Variants in ATXN10 observed in about 807,000 individuals in gnomAD.
ATXN10 encodes ataxin-10.
In ATXN10, 28 loss-of-function variants were observed where a neutral mutation model predicts 52.9. The ratio of observed to expected loss-of-function variants is 0.53; its 90% confidence interval spans 0.39 to 0.73. ATXN10 has a LOEUF of 0.73. Among genes scored for constraint, ATXN10 ranks in the 30% least tolerant of loss-of-function variants. The pLI is 0.00. For missense variants in ATXN10, 565 were observed against 577.0 expected (o/e 0.98, Z 0.21); for synonymous variants, 226 against 221.5 (o/e 1.02, Z -0.18).
Position 45,718,624 on chromosome 22 carries a change from G to C in ATXN10, c.728+131G>C. On this transcript the variant is annotated intron_variant, in intron 6 of 11. Coordinates refer to ENST00000252934, the MANE Select transcript of ATXN10 (RefSeq NM_013236.4). This position sits in a 1 kb window ranked among gnomAD's most constrained non-coding sequence, Gnocchi z 4.4. Reference sequence around the variant, plus strand: ...AAATACATGTTTCTGTGTTGGTAATGGTTTTAAATTGGTTGGTTAACATTA... The same window carrying C: ...AAATACATGTTTCTGTGTTGGTAATCGTTTTAAATTGGTTGGTTAACATTA... The C allele has an allele frequency of 3.4e-6, 3 of 881,400 alleles. No individual in the cohort carries two copies. The highest frequency in any genetic ancestry group is 1.9e-6 in the Non-Finnish European group (1 of 531,078). 54.6% of individuals were successfully genotyped at this position (881,400 alleles called of 1,614,324 possible).
At chr22:45,717,616 A>G (rs577811551) in intron 5 of ATXN10, among the ~76,000 whole-genome samples, 58 of 152,326 alleles carry the variant, frequency 3.8e-4, no homozygotes, top group Non-Finnish European at 6.9e-4. Context: ...GTGACAGTGT[A>G]TTGTAGTAGT....
intron 9 of ATXN10, among the ~76,000 whole-genome samples, chr22:45,798,475 A>G (rs1285929393): frequency 2.0e-5 from 3 of 152,122 alleles, no homozygotes; most frequent in Non-Finnish European, 2.9e-5. Flanking sequence ...CAAAATTTAC[A>G]CTCATTCACG....
intron 9 of ATXN10, among the ~76,000 whole-genome samples, chr22:45,741,658 C>G (rs1301422033): frequency 1.3e-5 from 2 of 151,798 alleles, no homozygotes; most frequent in African/African-American, 2.4e-5. Context: ...GAATTTATGA[C>G]CCATAGTATT....
Position 45,842,990 on chromosome 22 carries a change from G to T in ATXN10, c.1238-1G>T, listed in dbSNP as rs1929395664. On this transcript the variant is annotated splice_acceptor_variant, in intron 10 of 11. Coordinates refer to ENST00000252934, the MANE Select transcript of ATXN10 (RefSeq NM_013236.4). LOFTEE classifies it high-confidence loss of function. This position sits in a 1 kb window ranked among gnomAD's most constrained non-coding sequence, Gnocchi z 4.8. Reference sequence around the variant, plus strand: ...GTCACATTCCTTCACTCTGGCTCCAGTTCTGACCCAGTGGGTGATATATGC... The same window carrying T: ...GTCACATTCCTTCACTCTGGCTCCATTTCTGACCCAGTGGGTGATATATGC... 3 of 1,614,010 alleles carry T rather than the reference G, an allele frequency of 1.9e-6. No homozygotes were observed. Among genetic ancestry groups the T allele is most frequent in the Admixed American group, 1.7e-5 (1 of 60,002 alleles).
chr22:45,704,974 T>G (rs1465473433), intron 5 of ATXN10, among the ~76,000 whole-genome samples: 2 of 152,244 alleles, frequency 1.3e-5, no homozygotes, highest in African/African-American at 2.4e-5. Flanking sequence ...TTGAATGTTT[T>G]TATTATGAAA....
At chr22:45,693,449 C>G (rs1449138144) in intron 3 of ATXN10, among the ~76,000 whole-genome samples, 1 of 152,144 alleles carries the variant, frequency 6.6e-6, no homozygotes. Flanking sequence ...TAGATGGTGC[C>G]TCTTGCTTTG....
At chr22:45,811,736 T>C (rs963317054) in intron 10 of ATXN10, 9 of 471,096 alleles carry the variant, frequency 1.9e-5, no homozygotes, top group African/African-American at 8.0e-5. Context: ...TTGCTGGCCC[T>C]GAACTTCGGC....
chr22:45,780,231 G>A lies in ATXN10; in HGVS notation c.1174-26728G>A, dbSNP rs542596224. 9.2e-5 allele frequency among the ~76,000 whole-genome samples: 14 copies of A among 152,256 alleles called. No homozygotes were observed. In the South Asian group the frequency reaches 1.0e-3, roughly 11 times the overall value. On this transcript the variant is annotated intron_variant, in intron 9 of 11. Transcript: ENST00000252934. The surrounding 1 kb of genome is among the most constrained non-coding windows in gnomAD (Gnocchi z 4.0). ...CCTGAGTAGCTGGGATTACAGGCGT[G>A]TGCCACCACGCCCAGCTAATTTTTG...
intron 3 of ATXN10, among the ~76,000 whole-genome samples, chr22:45,694,600 G>A (rs1923517697): frequency 6.6e-6 from 1 of 151,986 alleles, no homozygotes; most frequent in Non-Finnish European, 1.5e-5. Flanking sequence ...TGGCCAACAT[G>A]GTGAAACCCC....
At chr22:45,798,710 T>G (rs1442516954) in intron 9 of ATXN10, among the ~76,000 whole-genome samples, 2 of 152,146 alleles carry the variant, frequency 1.3e-5, no homozygotes, top group Non-Finnish European at 2.9e-5. Context: ...GCATGCAGGT[T>G]GGAAAGAAGT....
chr22:45,719,474 A>G (rs940491945), intron 6 of ATXN10, among the ~76,000 whole-genome samples: 5 of 152,128 alleles, frequency 3.3e-5, no homozygotes, highest in African/African-American at 9.7e-5. Context: ...CCCTATATGT[A>G]TACCCCCATT....
At chr22:45,813,729 G>T (rs1046541235) in intron 10 of ATXN10, among the ~76,000 whole-genome samples, 7 of 152,130 alleles carry the variant, frequency 4.6e-5, no homozygotes, top group Non-Finnish European at 8.8e-5. Flanking sequence ...GGGTTATAGT[G>T]AGTGTGAAAT....
At chr22:45,673,696 A>G (rs1176596930) in intron 1 of ATXN10, 4 of 152,206 alleles carry the variant, frequency 2.6e-5, no homozygotes, top group South Asian at 4.1e-4. Flanking sequence ...ATGGAAATCT[A>G]TACAAGAGGT....
At chr22:45,768,017 CA>C (rs1926647075) in intron 9 of ATXN10, among the ~76,000 whole-genome samples, 1 of 152,020 alleles carries the variant, frequency 6.6e-6, no homozygotes, top group Non-Finnish European at 1.5e-5. Flanking sequence ...AATAGAGATA[CA>C]AAGATAAAAG....
At chr22:45,813,111 G>A (rs1010164354) in intron 10 of ATXN10, among the ~76,000 whole-genome samples, 2 of 152,114 alleles carry the variant, frequency 1.3e-5, no homozygotes, top group African/African-American at 4.8e-5. Flanking sequence ...CTGTTCACTC[G>A]CCCAACTCAC....
Position 45,718,157 on chromosome 22 carries a change from G to A in ATXN10, c.648-256G>A, listed in dbSNP as rs145602446. On this transcript the variant is annotated intron_variant, in intron 5 of 11. Transcript: ENST00000252934. This position sits in a 1 kb window ranked among gnomAD's most constrained non-coding sequence, Gnocchi z 4.4. ...ACAGCTATAGTAGCCCTGTCTTCCC[G>A]TTGAATCAATTTAAATTATTTCCAT... is the stretch of plus-strand genomic sequence containing the variant. 5.2e-4 allele frequency among the ~76,000 whole-genome samples: 79 copies of A among 152,174 alleles called. No homozygotes were observed. Among genetic ancestry groups the A allele is most frequent in the South Asian group, 1.7e-3 (8 of 4,830 alleles).
intron 9 of ATXN10, among the ~76,000 whole-genome samples, chr22:45,742,756 G>A (rs1487546927): frequency 2.0e-5 from 3 of 152,206 alleles, no homozygotes; most frequent in African/African-American, 7.2e-5. Context: ...AGAACCAAAC[G>A]CTAGACAACT....
intron 9 of ATXN10, among the ~76,000 whole-genome samples, chr22:45,779,499 T>G (rs1469629649): frequency 1.3e-5 from 2 of 152,218 alleles, no homozygotes; most frequent in Non-Finnish European, 2.9e-5. Context: ...ACTTCACAGC[T>G]GGGAGCGAGA....
chr22:45,743,768 A>G (rs1023596047), intron 9 of ATXN10, among the ~76,000 whole-genome samples: 1 of 152,192 alleles, frequency 6.6e-6, no homozygotes, highest in Non-Finnish European at 1.5e-5. Context: ...TATATTATCA[A>G]CTTTAATCTT....
Sources: gnomAD v4.1 joint callset for allele counts (sites outside exome capture counted in the v4.1 genomes callset) on GRCh38, gnomAD v4.1.1 for gene constraint, Gnocchi (gnomAD v3.1) non-coding constraint, MANE v1.5 for transcripts, NCBI Gene and HGNC (gene_info 2026-07-23, HGNC 2026-07-21) for gene names.